CAND2: variants seen among roughly 807,000 people sequenced by gnomAD.
CAND2 encodes cullin-associated NEDD8-dissociated protein 2.
CAND2 carries 62 observed loss-of-function variants against 98.9 expected under a neutral mutation model. That is an observed-to-expected ratio of 0.63 (90% CI 0.51 to 0.77). The LOEUF is 0.77. Ranked by LOEUF, CAND2 falls within the 30% of genes least tolerant of loss-of-function variation. The pLI, the probability that CAND2 is intolerant of heterozygous loss-of-function variation, is 0.00. For missense variants in CAND2, 1,501 were observed against 1,655.2 expected (o/e 0.91, Z 1.62); for synonymous variants, 770 against 731.9 (o/e 1.05, Z -0.84).
intron 10 of CAND2, among the ~76,000 whole-genome samples, chr3:12,818,975 G>A (rs1017990760): frequency 3.9e-5 from 6 of 152,128 alleles, no homozygotes; most frequent in Non-Finnish European, 7.3e-5. Flanking sequence ...CCAGCCACCC[G>A]GTCACATTTC....
chr3:12,832,758 C>T (rs1407786671), intron 14 of CAND2: 2 of 152,178 alleles, frequency 1.3e-5, no homozygotes, highest in Non-Finnish European at 2.9e-5. Flanking sequence ...ATCCTGGAAC[C>T]AAACTCCCAT....
At chr3:12,802,613 G>C (rs3889515) in intron 1 of CAND2, among the ~76,000 whole-genome samples, 73,973 of 152,174 alleles carry the variant, frequency 0.49, 19,284 homozygotes, top group Non-Finnish European at 0.6. Flanking sequence ...CTGAGCCGTT[G>C]CTAGTCTGCC....
intron 4 of CAND2, among the ~76,000 whole-genome samples, chr3:12,808,798 G>C (rs2061827297): frequency 6.6e-6 from 1 of 152,182 alleles, no homozygotes; most frequent in Non-Finnish European, 1.5e-5. Flanking sequence ...GCTGAGTTTG[G>C]GCAGGTATAA....
At position 12,827,456 on chromosome 3, in the gene CAND2, T is replaced by C; in HGVS notation, c.3227T>C (p.Phe1076Ser). 1 of 1,613,762 alleles carries C rather than the reference T, an allele frequency of 6.2e-7. No homozygotes were observed. Among genetic ancestry groups the C allele is most frequent in the South Asian group, 1.1e-5 (1 of 91,014 alleles). The change falls in exon 13 of 15, where the codon TTT (phenylalanine) becomes TCT (serine). Residue 1076 changes from phenylalanine (F) to serine (S), a missense_variant. This residue lies in a region of CAND2 where 1,427 missense variants were observed against 1,545.3 expected (regional missense o/e 0.92). Transcript: ENST00000456430. ...CTCCTGCAGGTGGAGATGGGGCCCT[T>C]TAAACATACAGTGGACGATGGGCTG... Reference protein sequence around the residue: ...DLIREVEMGPFKHTVDDGLDV... With the variant: ...DLIREVEMGPSKHTVDDGLDV...
In CAND2 at chr3:12,810,120, A is replaced by G; in HGVS notation, c.553A>G (p.Ser185Gly). ...SLLHCLLPQL[S>G]SPRLAVRKRA... Reference sequence around the variant, plus strand: ...CCTGCACTGTCTGCTGCCACAGCTGAGCAGCCCGCGCCTGGCGGTGCGCAA... The same window carrying G: ...CCTGCACTGTCTGCTGCCACAGCTGGGCAGCCCGCGCCTGGCGGTGCGCAA... Residue 185 changes from serine (S) to glycine (G), a missense_variant, in exon 5 of 15, where the codon AGC becomes GGC. Ser to Gly is a moderately conservative substitution (Grantham distance 56, BLOSUM62 0). Coordinates refer to ENST00000456430, the MANE Select transcript of CAND2 (RefSeq NM_001162499.2). 6.6e-7 allele frequency: 1 copy of G among 1,515,490 alleles called. No homozygotes were observed. 93.9% of individuals were successfully genotyped at this position (1,515,490 alleles called of 1,614,324 possible). A position where few individuals can be genotyped will look rare whatever the true frequency, so the allele number is the denominator to read the frequency against.
rs769204352 is a variant in CAND2, at chr3:12,833,991, G to A, written c.*9G>A. 3.1e-6 allele frequency: 5 copies of A among 1,610,316 alleles called. No individual in the cohort carries two copies. Among genetic ancestry groups the A allele is most frequent in the African/African-American group, 1.3e-5 (1 of 74,884 alleles). On this transcript the variant is annotated 3_prime_UTR_variant, in exon 15 of 15. Coordinates refer to ENST00000456430, the MANE Select transcript of CAND2 (RefSeq NM_001162499.2). ...CAATGGAGCTCAGCTAGTCCCCTCA[G>A]CACCAAGGTGGGCCCTCGCTTAAGA... is the stretch of plus-strand genomic sequence containing the variant.
chr3:12,815,932 A>T lies in CAND2; in HGVS notation c.1365A>T (p.Gly455=). ...ATCGGAGCGTCAGAGCCCGCCAGGG[A>T]TGCTTCAGCCTCCTCACCGAGCTGG... ...LKDRSVRARQ[G]CFSLLTELAG... Residue 455 remains glycine (G), a synonymous_variant, in exon 9 of 15, where the codon GGA becomes GGT. Transcript: ENST00000456430. This position sits in a 1 kb window ranked among gnomAD's most constrained non-coding sequence, Gnocchi z 5.7. 6.2e-7 allele frequency: 1 copy of T among 1,613,744 alleles called. No individual in the cohort carries two copies. The highest frequency in any genetic ancestry group is 8.5e-7 in the Non-Finnish European group (1 of 1,179,948).
Position 12,815,720 on chromosome 3 carries a change from T to C in CAND2, c.1300-147T>C, listed in dbSNP as rs2061893411. On this transcript the variant is annotated intron_variant, in intron 8 of 14. Coordinates refer to ENST00000456430, the MANE Select transcript of CAND2 (RefSeq NM_001162499.2). This position sits in a 1 kb window ranked among gnomAD's most constrained non-coding sequence, Gnocchi z 5.7. Reference sequence around the variant, plus strand: ...GGTCTGTGTGCGGTCACCAAAAGCCTGGCACAGAGTGAGGGACGAGTGCTT... The same window carrying C: ...GGTCTGTGTGCGGTCACCAAAAGCCCGGCACAGAGTGAGGGACGAGTGCTT... The C allele has an allele frequency of 1.2e-6, 1 of 828,574 alleles. No homozygotes were observed. The highest frequency in any genetic ancestry group is 1.9e-6 in the Non-Finnish European group (1 of 529,104). 51.3% of individuals were successfully genotyped at this position (828,574 alleles called of 1,614,324 possible).
At chr3:12,818,262 CA>C (rs11329908) in intron 10 of CAND2, among the ~76,000 whole-genome samples, 100,677 of 147,470 alleles carry the variant, frequency 0.68, 34,537 homozygotes, top group African/African-American at 0.79. Flanking sequence ...CTGCCTCTAC[CA>C]AAAAAAAAAA....
At chr3:12,823,372 C>G (rs2061973858) in intron 11 of CAND2, among the ~76,000 whole-genome samples, 1 of 151,738 alleles carries the variant, frequency 6.6e-6, no homozygotes, top group Admixed American at 6.6e-5. Flanking sequence ...GGGAGAATAA[C>G]CTGAGGTCAG....
chr3:12,830,210 A>T (rs2062042058), intron 13 of CAND2, among the ~76,000 whole-genome samples: 1 of 152,164 alleles, frequency 6.6e-6, no homozygotes, highest in Admixed American at 6.5e-5. Flanking sequence ...GAAAGAGAAA[A>T]GAAGAAACAA....
chr3:12,825,448 G>A (rs772128899), intron 11 of CAND2, 22 bp from the exon 12 acceptor site: 117 of 1,543,764 alleles, frequency 7.6e-5, no homozygotes, highest in South Asian at 3.5e-4. Context: ...CATCCCCCAC[G>A]CCCCTCATGT....
chr3:12,823,089 T>C (rs1230657439), intron 11 of CAND2, among the ~76,000 whole-genome samples: 2 of 152,188 alleles, frequency 1.3e-5, no homozygotes, highest in African/African-American at 2.4e-5. Flanking sequence ...CTACAAGATA[T>C]TTATTTTCTT....
At chr3:12,812,539 G>C (rs1452188561) in intron 5 of CAND2, among the ~76,000 whole-genome samples, 2 of 151,556 alleles carry the variant, frequency 1.3e-5, no homozygotes, top group African/African-American at 4.9e-5. Context: ...TGAGTAGCTG[G>C]GACTACAGGC....
Position 12,816,938 on chromosome 3 carries a change from G to A in CAND2, c.2006G>A (p.Arg669Gln), listed in dbSNP as rs767487548. Reference protein sequence around the residue: ...SFLRKNQRALRLATLAALDAL... With the variant: ...SFLRKNQRALQLATLAALDAL... ...CTGCGGAAGAACCAGCGGGCTTTGCGACTGGCCACACTGGCAGCCCTGGAC... is the reference window on the plus strand; with the variant it reads ...CTGCGGAAGAACCAGCGGGCTTTGCAACTGGCCACACTGGCAGCCCTGGAC... The change falls in exon 10 of 15, where the codon CGA becomes CAA. Residue 669 changes from arginine to glutamine, a missense_variant. Physicochemically the swap from Arg to Gln is conservative, Grantham distance 43. Coordinates refer to ENST00000456430, the MANE Select transcript of CAND2 (RefSeq NM_001162499.2). 29 of 1,613,450 alleles carry A rather than the reference G, an allele frequency of 1.8e-5. No individual in the cohort carries two copies. Among genetic ancestry groups the A allele is most frequent in the Admixed American group, 5.0e-5 (3 of 60,008 alleles).
chr3:12,807,985 GGTGT>G (rs756874841), intron 3 of CAND2, among the ~76,000 whole-genome samples: 13 of 152,216 alleles, frequency 8.5e-5, no homozygotes, highest in Non-Finnish European at 1.6e-4. Flanking sequence ...GAAGGGCTTG[GGTGT>G]GTGTAAGTCA....
chr3:12,831,565 C>T lies in CAND2; in HGVS notation c.3476C>T (p.Thr1159Ile). Residue 1159 changes from threonine to isoleucine, a missense_variant, in exon 14 of 15, where the codon ACT (threonine) becomes ATT (isoleucine). Physicochemically the swap from Thr to Ile is moderately conservative, Grantham distance 89. Around this residue, in one of 3 missense-constraint regions of CAND2, gnomAD observed 1,427 missense variants for 1,545.3 expected, o/e 0.92. Transcript: ENST00000456430. ...RLIEPLRATCTAKVKAGSVKQ... is the reference protein window; with the variant it reads ...RLIEPLRATCIAKVKAGSVKQ... Reference sequence around the variant, plus strand: ...ATTGAGCCACTAAGGGCCACCTGCACTGCCAAGGTAAGTCCCTGGCCCAGC... The same window carrying T: ...ATTGAGCCACTAAGGGCCACCTGCATTGCCAAGGTAAGTCCCTGGCCCAGC... 1.9e-6 allele frequency: 3 copies of T among 1,611,140 alleles called. No homozygotes were observed. Among genetic ancestry groups the T allele is most frequent in the Non-Finnish European group, 1.7e-6 (2 of 1,178,150 alleles).
intron 7 of CAND2, 131 bp downstream of exon 7, chr3:12,813,519 C>A: frequency 1.2e-6 from 1 of 838,316 alleles, no homozygotes; most frequent in East Asian, 2.6e-5. Flanking sequence ...AGCTCCAGTC[C>A]CACCCGCTGT....
chr3:12,819,799 G>A (rs2061941455), intron 10 of CAND2, among the ~76,000 whole-genome samples: 1 of 152,174 alleles, frequency 6.6e-6, no homozygotes. Flanking sequence ...AAGGCCTGAG[G>A]GAAGGTCTTT....
Sources: gnomAD v4.1 joint callset for allele counts (sites outside exome capture counted in the v4.1 genomes callset) on GRCh38, gnomAD v4.1.1 for gene constraint, gnomAD v4.1.1 regional missense constraint, Gnocchi (gnomAD v3.1) non-coding constraint, MANE v1.5 for transcripts, NCBI Gene and HGNC (gene_info 2026-07-23, HGNC 2026-07-21) for gene names.